Variants in TMC3 observed in about 807,000 individuals in gnomAD.
TMC3 encodes the protein transmembrane channel like 3.
In TMC3, 98 loss-of-function variants were observed where a neutral mutation model predicts 110.6. The observed-to-expected ratio is 0.89, with a 90% CI of 0.75 to 1.05. TMC3 has a LOEUF of 1.05. Ranked by LOEUF, TMC3 falls within the 50% of genes least tolerant of loss-of-function variation. The pLI is 0.00. For missense variants in TMC3, 1,319 were observed against 1,373.2 expected, an observed-to-expected ratio of 0.96 and a Z score of 0.62; for synonymous variants, 489 against 513.1, an observed-to-expected ratio of 0.95 and a Z score of 0.63.
intron 10 of TMC3, among the ~76,000 whole-genome samples, chr15:81,350,609 G>A (rs944978756): frequency 9.9e-5 from 15 of 152,188 alleles, no homozygotes; most frequent in African/African-American, 3.6e-4. Flanking sequence ...ATTATCTAGG[G>A]TGGGCTCAGA....
At chr15:81,364,732 T>TAA (rs369804224) in intron 3 of TMC3, among the ~76,000 whole-genome samples, 18,457 of 144,524 alleles carry the variant, frequency 0.13, 1,993 homozygotes, top group African/African-American at 0.3. Flanking sequence ...AAAACTGTAA[T>TAA]AAAAAAAAAA....
At chr15:81,353,284 T>C (rs1351982600) in intron 9 of TMC3, among the ~76,000 whole-genome samples, 2 of 152,218 alleles carry the variant, frequency 1.3e-5, no homozygotes, top group Non-Finnish European at 2.9e-5. Flanking sequence ...TAAAAGTTCA[T>C]AAACAAGTGA....
At chr15:81,370,750 C>G (rs1160997863) in intron 2 of TMC3, among the ~76,000 whole-genome samples, 2 of 150,952 alleles carry the variant, frequency 1.3e-5, no homozygotes, top group Admixed American at 6.6e-5. Flanking sequence ...TCTTGGCTCA[C>G]TGCAACCTCT....
chr15:81,365,400 C>T lies in TMC3; in HGVS notation c.312+2853G>A, dbSNP rs531036996. ...AAGAAACAGAAAAAAGGGCCGGGCG[C>T]GATGGCTTATGCCTGTAATCCCAGC... On this transcript the variant is annotated intron_variant, in intron 3 of 21. Coordinates refer to ENST00000359440, the MANE Select transcript of TMC3 (RefSeq NM_001080532.3). Among the ~76,000 whole-genome samples the T allele has an allele frequency of 2.0e-4, 30 of 152,312 alleles. 1 individual carries two copies. The East Asian group carries it at 5.4e-3, about 27-fold the overall frequency.
At chr15:81,373,060 G>A (rs1596100988) in intron 1 of TMC3, among the ~76,000 whole-genome samples, 1 of 152,224 alleles carries the variant, frequency 6.6e-6, no homozygotes, top group Non-Finnish European at 1.5e-5. Context: ...GGGTATTTAC[G>A]TACTCTTGGA....
rs572619140 is a variant in TMC3, at chr15:81,349,547, G to A, written c.1104C>T (p.Leu368=). 12 of 1,546,964 alleles carry A rather than the reference G, an allele frequency of 7.8e-6. No individual in the cohort carries two copies. Among genetic ancestry groups the A allele is most frequent in the East Asian group, 2.5e-5 (1 of 40,206 alleles). Residue 368 remains leucine, a synonymous_variant, in exon 11 of 22, where the codon CTC becomes CTT. Coordinates refer to ENST00000359440, the MANE Select transcript of TMC3 (RefSeq NM_001080532.3). Reference sequence around the variant, plus strand: ...AGGCTGATGGTGCTATCATGGTGACGAGGGAGACCACCACACTGACCTGCT... The same window carrying A: ...AGGCTGATGGTGCTATCATGGTGACAAGGGAGACCACCACACTGACCTGCT... ...EKNEVSVVVS[L]VTMIAPSAFD... is the part of the protein sequence containing the mutation.
intron 16 of TMC3, among the ~76,000 whole-genome samples, chr15:81,340,181 T>G (rs544294703): frequency 1.3e-5 from 2 of 151,828 alleles, no homozygotes; most frequent in East Asian, 1.9e-4. Flanking sequence ...TACTTTCAAC[T>G]AGTACTCTCT....
At chr15:81,336,774 T>A in intron 19 of TMC3, 123 bp from the exon 20 acceptor site, 1 of 987,150 alleles carries the variant, frequency 1.0e-6, no homozygotes, top group Non-Finnish European at 1.6e-6. Flanking sequence ...ATAACTGTAC[T>A]ACTATTGCCC....
intron 11 of TMC3, among the ~76,000 whole-genome samples, chr15:81,346,961 C>G (rs1347729549): frequency 6.6e-6 from 1 of 152,206 alleles, no homozygotes; most frequent in Non-Finnish European, 1.5e-5. Flanking sequence ...TTCTGAAATA[C>G]AGGCTGGACC....
At position 81,358,465 on chromosome 15, in the gene TMC3, C is replaced by G. The variant is rs1567067705; in HGVS notation, c.537G>C (p.Arg179Ser). 9 of 1,613,428 alleles carry G rather than the reference C, an allele frequency of 5.6e-6. No individual in the cohort carries two copies. The highest frequency in any genetic ancestry group is 5.9e-6 in the Non-Finnish European group (7 of 1,179,624). ...AAACCTGCTCCTTGGGGATGGTCTT[C>G]CTGGCTGTGCTTCCAAAGGGCTGGC... is the stretch of plus-strand genomic sequence containing the variant. Reference protein sequence around the residue: ...IAGQPFGSTARKTIPKEQVSS... With the variant: ...IAGQPFGSTASKTIPKEQVSS... The change falls in exon 6 of 22, where the codon AGG becomes AGC. Residue 179 changes from arginine to serine, a missense_variant. By Grantham distance (110) the Arg-to-Ser change is moderately radical (BLOSUM62 -1). Coordinates refer to ENST00000359440, the MANE Select transcript of TMC3 (RefSeq NM_001080532.3).
chr15:81,341,124 A>G (rs1000003947), intron 16 of TMC3, among the ~76,000 whole-genome samples: 1 of 152,192 alleles, frequency 6.6e-6, no homozygotes, highest in Admixed American at 6.5e-5. Context: ...CTAAACATTT[A>G]CGATTTGTGT....
At chr15:81,368,012 G>T (rs554087482) in intron 3 of TMC3, among the ~76,000 whole-genome samples, 2 of 152,248 alleles carry the variant, frequency 1.3e-5, no homozygotes, top group East Asian at 3.9e-4. Flanking sequence ...TCGGCTCACT[G>T]CAACCTCTGC....
intron 18 of TMC3, among the ~76,000 whole-genome samples, chr15:81,338,442 G>A (rs1276343185): frequency 2.0e-5 from 3 of 152,096 alleles, no homozygotes; most frequent in South Asian, 2.1e-4. Context: ...CTCCCTCATC[G>A]CCCCTCGCTG....
At chr15:81,346,514 T>C in intron 11 of TMC3, 71 bp from the exon 12 acceptor site, 1 of 1,460,154 alleles carries the variant, frequency 6.8e-7, no homozygotes, top group Non-Finnish European at 9.5e-7. Context: ...AGCCCCCACA[T>C]GGTTCTAAAG....
At chr15:81,351,334 GTC>G (rs59510909) in intron 10 of TMC3, among the ~76,000 whole-genome samples, 3 of 140,912 alleles carry the variant, frequency 2.1e-5, no homozygotes, top group Non-Finnish European at 4.5e-5. Context: ...ACTTTTCTGT[GTC>G]TCTCTCTCTC....
intron 8 of TMC3, 89 bp downstream of exon 8, chr15:81,356,358 G>C: frequency 7.1e-7 from 1 of 1,399,668 alleles, no homozygotes; most frequent in Middle Eastern, 2.6e-4. Context: ...AATGGGAAGA[G>C]GATGGTTCTG....
At position 81,332,578 on chromosome 15, in the gene TMC3, G is replaced by A. The variant is rs779874231; in HGVS notation, c.3144C>T (p.Ser1048=). ...LTESDSVSAA[S]SSDQQNSSAD... ...CGCTGCTGTTCTGCTGGTCACTGCT[G>A]GATGCTGCCGACACGGAGTCAGATT... Residue 1048 remains serine, a synonymous_variant, in exon 22 of 22, where the codon TCC becomes TCT. Coordinates refer to ENST00000359440, the MANE Select transcript of TMC3 (RefSeq NM_001080532.3). 6.2e-7 allele frequency: 1 copy of A among 1,614,012 alleles called. No homozygotes were observed. The highest frequency in any genetic ancestry group is 1.3e-5 in the African/African-American group (1 of 75,060).
Position 81,332,247 on chromosome 15 carries a change from A to G in TMC3, c.*172T>C. 1 of 954,722 alleles carries G rather than the reference A, an allele frequency of 1.0e-6. No homozygotes were observed. Among genetic ancestry groups the G allele is most frequent in the South Asian group, 2.0e-5 (1 of 51,252 alleles). The allele number at this position is 954,722 out of a possible 1,614,324, so 59.1% of individuals were successfully genotyped here. A position where few individuals can be genotyped will look rare whatever the true frequency, so the allele number is the denominator to read the frequency against. ...TAAATTTGGCTAACAGTAGCTGTAG[A>G]ATAGGTATCTGTAGCCCTGTCAGCC... On this transcript the variant is annotated 3_prime_UTR_variant, in exon 22 of 22. Coordinates refer to ENST00000359440, the MANE Select transcript of TMC3 (RefSeq NM_001080532.3).
chr15:81,363,553 T>A (rs556180472), intron 3 of TMC3, among the ~76,000 whole-genome samples: 1 of 152,340 alleles, frequency 6.6e-6, no homozygotes, highest in South Asian at 2.1e-4. Context: ...CCAGAATGGC[T>A]GCTTGTAAAT....
Sources: allele counts gnomAD v4.1 joint callset (sites outside exome capture counted in the v4.1 genomes callset), GRCh38; gene constraint gnomAD v4.1.1; transcripts MANE v1.5; gene names NCBI Gene and HGNC (gene_info 2026-07-23, HGNC 2026-07-21).